TEAD1: variants seen among roughly 807,000 people sequenced by gnomAD.
TEAD1 encodes TEA domain transcription factor 1.
In TEAD1, 9 loss-of-function variants were observed where a neutral mutation model predicts 54.9. The observed-to-expected ratio is 0.16, with a 90% CI of 0.10 to 0.29. The LOEUF (loss-of-function observed/expected upper bound fraction) is 0.29. Ranked by LOEUF, TEAD1 falls within the 10% of genes least tolerant of loss-of-function variation. The probability of loss-of-function intolerance (pLI) is 1.00; values close to 1 mark genes in which losing one functional copy is unlikely to be tolerated. For missense variants in TEAD1, 387 were observed against 535.9 expected (o/e 0.72, Z 2.74); for synonymous variants, 200 against 187.8 (o/e 1.07, Z -0.53).
intron 3 of TEAD1, chr11:12,850,989 A>G: frequency 1.2e-6 from 1 of 864,894 alleles, no homozygotes; most frequent in African/African-American, 1.8e-5. Context: ...GCAACTTTAA[A>G]AGGATTTACA....
intron 3 of TEAD1, among the ~76,000 whole-genome samples, chr11:12,799,879 A>C (rs1442882727): frequency 6.6e-6 from 1 of 152,192 alleles, no homozygotes; most frequent in African/African-American, 2.4e-5. Context: ...GTATGGTAGA[A>C]GATGTGAAAG....
At chr11:12,873,381 G>A (rs776504527) in intron 5 of TEAD1, among the ~76,000 whole-genome samples, 1 of 152,196 alleles carries the variant, frequency 6.6e-6, no homozygotes, top group Non-Finnish European at 1.5e-5. Flanking sequence ...TTGCTCGTCT[G>A]TAGTCCTCAT....
chr11:12,844,525 G>T (rs989646283), intron 3 of TEAD1, among the ~76,000 whole-genome samples: 17 of 151,782 alleles, frequency 1.1e-4, no homozygotes, highest in African/African-American at 4.1e-4. Flanking sequence ...TCAAATCATT[G>T]GGGGGCAGGG....
chr11:12,752,028 G>C (rs1944881720), intron 2 of TEAD1, among the ~76,000 whole-genome samples: 1 of 152,162 alleles, frequency 6.6e-6, no homozygotes, highest in Non-Finnish European at 1.5e-5. Context: ...GACGTGATGA[G>C]CAGCGTCTTC....
intron 9 of TEAD1, among the ~76,000 whole-genome samples, chr11:12,889,817 G>C (rs188900484): frequency 6.6e-6 from 1 of 152,194 alleles, no homozygotes; most frequent in African/African-American, 2.4e-5. Flanking sequence ...GACCTCCCAG[G>C]CTCAAGGGAT....
At chr11:12,838,561 C>T (rs185320163) in intron 3 of TEAD1, among the ~76,000 whole-genome samples, 6 of 152,162 alleles carry the variant, frequency 3.9e-5, no homozygotes, top group Non-Finnish European at 8.8e-5. Context: ...TAAATTTTAA[C>T]ATTTTAAGTA....
At chr11:12,857,481 G>A (rs1172997840) in intron 3 of TEAD1, among the ~76,000 whole-genome samples, 1 of 152,088 alleles carries the variant, frequency 6.6e-6, no homozygotes, top group African/African-American at 2.4e-5. Flanking sequence ...CTGCAGGATT[G>A]TTTTAGGAAA....
At chr11:12,698,079 A>C (rs1943624711) in intron 2 of TEAD1, among the ~76,000 whole-genome samples, 1 of 151,892 alleles carries the variant, frequency 6.6e-6, no homozygotes, top group Admixed American at 6.6e-5. Context: ...AGACTTTTAT[A>C]AGTGTGTTTC....
rs1414238161 is a variant in TEAD1, at chr11:12,941,972, CA to C, written c.*4755del. 1.3e-5 allele frequency: 2 copies of C among 152,562 alleles called. No individual in the cohort carries two copies. The highest frequency in any genetic ancestry group is 2.9e-5 in the Non-Finnish European group (2 of 68,022). 9.5% of individuals were successfully genotyped at this position (152,562 alleles called of 1,614,324 possible). On this transcript the variant is annotated 3_prime_UTR_variant, in exon 13 of 13. Transcript: ENST00000527636. ...GGCCCAATATTGGAAACAAAACAAGCAAAAATTGTCTTCATTTTTGTTTTGT... is the reference window on the plus strand; with the variant it reads ...GGCCCAATATTGGAAACAAAACAAGCAAAATTGTCTTCATTTTTGTTTTGT...
At chr11:12,805,330 T>C (rs929876165) in intron 3 of TEAD1, among the ~76,000 whole-genome samples, 8 of 152,316 alleles carry the variant, frequency 5.3e-5, no homozygotes, top group African/African-American at 1.9e-4. Flanking sequence ...AATTTAGAGA[T>C]GTTAGAACAT....
chr11:12,800,559 G>C (rs1489822228), intron 3 of TEAD1, among the ~76,000 whole-genome samples: 2 of 152,196 alleles, frequency 1.3e-5, no homozygotes, highest in Non-Finnish European at 2.9e-5. Flanking sequence ...ATATCAATCA[G>C]GGAATTCTAC....
chr11:12,841,120 A>G (rs1947030565), intron 3 of TEAD1, among the ~76,000 whole-genome samples: 1 of 152,228 alleles, frequency 6.6e-6, no homozygotes, highest in Non-Finnish European at 1.5e-5. Flanking sequence ...ACAGACCCAG[A>G]TTTATTCATA....
chr11:12,916,481 G>A (rs763212667), intron 10 of TEAD1, among the ~76,000 whole-genome samples: 2 of 152,162 alleles, frequency 1.3e-5, no homozygotes, highest in Non-Finnish European at 2.9e-5. Flanking sequence ...ATTTCAAATT[G>A]ACAAGTGAAC....
intron 3 of TEAD1, among the ~76,000 whole-genome samples, chr11:12,801,821 G>A (rs1170683168): frequency 2.0e-5 from 3 of 152,194 alleles, no homozygotes; most frequent in Non-Finnish European, 4.4e-5. Flanking sequence ...GATGAAGGTG[G>A]GTTGCCCACA....
intron 3 of TEAD1, among the ~76,000 whole-genome samples, chr11:12,771,234 C>T (rs1389182516): frequency 6.6e-6 from 1 of 152,190 alleles, no homozygotes; most frequent in East Asian, 1.9e-4. Context: ...CGTTGCGGGT[C>T]CGAGTGCCAT....
intron 2 of TEAD1, among the ~76,000 whole-genome samples, chr11:12,681,596 C>T (rs1368224470): frequency 1.3e-5 from 2 of 152,222 alleles, no homozygotes; most frequent in African/African-American, 4.8e-5. Flanking sequence ...CTTGCCTCAG[C>T]TGGAGCCAGC....
At chr11:12,783,073 A>G (rs964580174) in intron 3 of TEAD1, among the ~76,000 whole-genome samples, 7 of 151,056 alleles carry the variant, frequency 4.6e-5, no homozygotes, top group Non-Finnish European at 1.0e-4. Context: ...TTTTGTGTCT[A>G]GAAGTCACTA....
intron 3 of TEAD1, among the ~76,000 whole-genome samples, chr11:12,809,548 A>T (rs571065231): frequency 6.6e-6 from 1 of 152,232 alleles, no homozygotes; most frequent in East Asian, 1.9e-4. Flanking sequence ...ATCAAAGACC[A>T]TGCTTCTTGG....
At chr11:12,739,411 A>G (rs1162757717) in intron 2 of TEAD1, among the ~76,000 whole-genome samples, 2 of 152,168 alleles carry the variant, frequency 1.3e-5, no homozygotes, top group African/African-American at 4.8e-5. Context: ...TATCTGCAAA[A>G]CTGAAAATGT....
Sources: allele counts gnomAD v4.1 joint callset (sites outside exome capture counted in the v4.1 genomes callset), GRCh38; gene constraint gnomAD v4.1.1; transcripts MANE v1.5; gene names NCBI Gene and HGNC (gene_info 2026-07-23, HGNC 2026-07-21).